The following NCAPG2 variants were observed in gnomAD, a reference collection of about 807,000 sequenced individuals.
NCAPG2 encodes condensin-2 complex subunit G2.
A neutral mutation model predicts 141.1 loss-of-function variants in NCAPG2; 53 were observed. The ratio of observed to expected loss-of-function variants is 0.38; its 90% confidence interval spans 0.30 to 0.47. The LOEUF is 0.47. Ranked by LOEUF, NCAPG2 falls within the 20% of genes least tolerant of loss-of-function variation. The pLI is 0.99. For missense variants in NCAPG2, 1,087 were observed against 1,389.0 expected (o/e 0.78, Z 3.46); for synonymous variants, 499 against 490.7 (o/e 1.02, Z -0.22).
chr7:158,650,737 A>G, intron 24 of NCAPG2, 95 bp downstream of exon 24: 1 of 1,430,570 alleles, frequency 7.0e-7, no homozygotes, highest in South Asian at 1.5e-5. Flanking sequence ...TTCTTAAAAA[A>G]TACTTTGAGA....
chr7:158,661,370 A>C (rs1371693931), intron 16 of NCAPG2, among the ~76,000 whole-genome samples: 1 of 152,154 alleles, frequency 6.6e-6, no homozygotes, highest in Non-Finnish European at 1.5e-5. Context: ...TTTTAAATTT[A>C]GTTTTGAAAT....
intron 1 of NCAPG2, among the ~76,000 whole-genome samples, chr7:158,702,979 T>C (rs2123657): frequency 0.91 from 138,096 of 152,280 alleles, 62,682 homozygotes; most frequent in East Asian, 0.96. Context: ...TTTACTGTGC[T>C]TTTTCTATGC....
Position 158,687,339 on chromosome 7 carries a change from A to C in NCAPG2, c.767+9T>G. The stretch of plus-strand genomic sequence containing the variant: ...ACAGCACAAAATCTTCAGTACTTTT[A>C]ACACTTACTTTTGTAATCCCTGTAA... On this transcript the variant is annotated intron_variant, in intron 7 of 27. Coordinates refer to ENST00000356309, the MANE Select transcript of NCAPG2 (RefSeq NM_017760.7). 6.3e-7 allele frequency: 1 copy of C among 1,589,058 alleles called. No homozygotes were observed.
chr7:158,697,524 C>T (rs747278702), intron 2 of NCAPG2, among the ~76,000 whole-genome samples: 4 of 151,766 alleles, frequency 2.6e-5, no homozygotes, highest in Non-Finnish European at 5.9e-5. Context: ...TCACTTGAAC[C>T]CGGGAGGCGG....
At chr7:158,645,792 T>C (rs1414188323) in intron 25 of NCAPG2, among the ~76,000 whole-genome samples, 173 bp from the exon 26 acceptor site, 3 of 151,922 alleles carry the variant, frequency 2.0e-5, no homozygotes, top group Non-Finnish European at 4.4e-5. Context: ...GATTGTACAG[T>C]GAGATATTAA....
rs771780543 is a variant in NCAPG2, at chr7:158,686,221, G to A, written c.788C>T (p.Ala263Val). 7.6e-6 allele frequency: 12 copies of A among 1,574,864 alleles called. No homozygotes were observed. Among genetic ancestry groups the A allele is most frequent in the Non-Finnish European group, 7.8e-6 (9 of 1,159,950 alleles). Residue 263 changes from alanine to valine, a missense_variant, in exon 8 of 28, where the codon GCA (alanine) becomes GTA (valine). Transcript: ENST00000356309. The stretch of plus-strand genomic sequence containing the variant: ...TTTCCAAGCTCTGAAATAAATTTCT[G>A]CAATGTATACCATCAAAGACCTATA... ...GLQKSLMVYIAEIYFRAWKKA... is the reference protein window; with the variant it reads ...GLQKSLMVYIVEIYFRAWKKA...
At chr7:158,703,430 G>C (rs981037361) in intron 1 of NCAPG2, among the ~76,000 whole-genome samples, 22 of 152,208 alleles carry the variant, frequency 1.4e-4, no homozygotes, top group Non-Finnish European at 2.8e-4. Context: ...TACCTCTTTG[G>C]CATGTTAGTC....
intron 27 of NCAPG2, among the ~76,000 whole-genome samples, chr7:158,638,955 C>T (rs1297959036): frequency 6.6e-6 from 1 of 152,120 alleles, no homozygotes; most frequent in Non-Finnish European, 1.5e-5. Flanking sequence ...CCACAGTAAA[C>T]ATAAACCTCA....
chr7:158,654,216 CAAT>C (rs1449605130), intron 22 of NCAPG2, among the ~76,000 whole-genome samples: 2 of 152,152 alleles, frequency 1.3e-5, no homozygotes, highest in African/African-American at 4.8e-5. Flanking sequence ...GGGTACCACC[CAAT>C]AATGTCTGAC....
At chr7:158,678,936 G>C (rs1454217736) in intron 11 of NCAPG2, among the ~76,000 whole-genome samples, 1 of 152,058 alleles carries the variant, frequency 6.6e-6, no homozygotes, top group African/African-American at 2.4e-5. Context: ...CTGTAGACTT[G>C]ACCTCCTGGG....
intron 13 of NCAPG2, among the ~76,000 whole-genome samples, chr7:158,670,057 A>C (rs1833583107): frequency 6.6e-6 from 1 of 152,196 alleles, no homozygotes; most frequent in Admixed American, 6.5e-5. Context: ...ACACAGAATA[A>C]ACGGATCAAC....
chr7:158,698,856 G>C (rs989470600), intron 2 of NCAPG2, among the ~76,000 whole-genome samples: 9 of 150,426 alleles, frequency 6.0e-5, no homozygotes, highest in African/African-American at 2.2e-4. Context: ...CACAATCATA[G>C]CTCACTGTAG....
intron 6 of NCAPG2, among the ~76,000 whole-genome samples, chr7:158,687,665 G>T (rs1031124037): frequency 1.3e-5 from 2 of 152,216 alleles, no homozygotes; most frequent in African/African-American, 2.4e-5. Flanking sequence ...CCGCTACACT[G>T]AGCGCCTCTG....
At chr7:158,668,308 C>T (rs1461560088) in intron 13 of NCAPG2, 1 of 935,046 alleles carries the variant, frequency 1.1e-6, no homozygotes, top group Non-Finnish European at 1.3e-6. Flanking sequence ...CCTCCCTTAC[C>T]CACTACTGGG....
chr7:158,662,554 A>G (rs1247577090), intron 15 of NCAPG2, among the ~76,000 whole-genome samples, 187 bp from the exon 16 acceptor site: 2 of 152,242 alleles, frequency 1.3e-5, no homozygotes, highest in Non-Finnish European at 2.9e-5. Flanking sequence ...ACCACGATAT[A>G]AATTCCAAAC....
intron 2 of NCAPG2, among the ~76,000 whole-genome samples, chr7:158,699,459 G>A (rs1298643904): frequency 6.6e-6 from 1 of 152,174 alleles, no homozygotes; most frequent in Non-Finnish European, 1.5e-5. Flanking sequence ...GGTGAATGCA[G>A]AAAACTGCAC....
intron 4 of NCAPG2, among the ~76,000 whole-genome samples, chr7:158,692,432 T>G (rs1358934602): frequency 6.6e-6 from 1 of 152,282 alleles, no homozygotes; most frequent in African/African-American, 2.4e-5. Flanking sequence ...CTTCTGCTAC[T>G]AAATTCAACA....
chr7:158,692,797 C>T, intron 4 of NCAPG2, 45 bp downstream of exon 4: 1 of 1,088,150 alleles, frequency 9.2e-7, no homozygotes, highest in Non-Finnish European at 1.4e-6. Context: ...ACAAGTATTT[C>T]AACACCCACT....
intron 1 of NCAPG2, among the ~76,000 whole-genome samples, chr7:158,703,286 C>A (rs1017367265): frequency 6.6e-6 from 1 of 152,188 alleles, no homozygotes; most frequent in African/African-American, 2.4e-5. Flanking sequence ...AGGACAAATT[C>A]ATGATTTTAG....
Sources: allele counts gnomAD v4.1 joint callset (sites outside exome capture counted in the v4.1 genomes callset), GRCh38; gene constraint gnomAD v4.1.1; transcripts MANE v1.5; gene names NCBI Gene and HGNC (gene_info 2026-07-23, HGNC 2026-07-21).